Variants in NALCN observed in about 807,000 individuals in gnomAD.
NALCN encodes the protein sodium leak channel, non-selective.
A neutral mutation model predicts 225.3 loss-of-function variants in NALCN; 111 were observed. The ratio of observed to expected loss-of-function variants is 0.49; its 90% CI spans 0.42 to 0.58. The LOEUF is 0.58. Ranked by LOEUF, NALCN falls within the 20% of genes least tolerant of loss-of-function variation. NALCN has a pLI of 0.00. For synonymous variants in NALCN, 764 were observed against 769.0 expected (o/e 0.99, Z 0.11); for missense variants, 1,378 against 2,202.4 (o/e 0.63, Z 7.49).
At chr13:101,059,995 A>G in intron 41 of NALCN, 28 bp from the exon 42 acceptor site, 1 of 1,612,012 alleles carries the variant, frequency 6.2e-7, no homozygotes. Flanking sequence ...TTTGTTCAGT[A>G]AAATAAGCCC....
At chr13:101,110,520 G>T in intron 20 of NALCN, 99 bp downstream of exon 20, 2 of 1,271,802 alleles carry the variant, frequency 1.6e-6, no homozygotes, top group Non-Finnish European at 2.3e-6. Context: ...AAGGAGACAT[G>T]GGAATGCAGC....
chr13:101,381,692 A>G (rs1254484164), intron 3 of NALCN, among the ~76,000 whole-genome samples: 2 of 152,180 alleles, frequency 1.3e-5, no homozygotes, highest in Non-Finnish European at 2.9e-5. Context: ...GAGGGTGAAC[A>G]AAACAAACGC....
chr13:101,359,610 T>C (rs1388846473), intron 6 of NALCN, among the ~76,000 whole-genome samples: 1 of 152,146 alleles, frequency 6.6e-6, no homozygotes, highest in Non-Finnish European at 1.5e-5. Context: ...AATTATTAGG[T>C]ATCTTTATGC....
chr13:101,285,063 C>T (rs144485900), intron 9 of NALCN, among the ~76,000 whole-genome samples: 16 of 149,204 alleles, frequency 1.1e-4, no homozygotes, highest in African/African-American at 3.3e-4. Flanking sequence ...TTTCCTTTGT[C>T]ACCCTTATTT....
At chr13:101,200,111 C>T (rs1476143534) in intron 13 of NALCN, among the ~76,000 whole-genome samples, 2 of 152,084 alleles carry the variant, frequency 1.3e-5, no homozygotes, top group East Asian at 3.9e-4. Context: ...ATATTTCCAG[C>T]CCCACCTCCA....
chr13:101,110,931 G>T (rs1350452838), intron 19 of NALCN, among the ~76,000 whole-genome samples, 194 bp downstream of exon 19: 1 of 152,210 alleles, frequency 6.6e-6, no homozygotes, highest in Non-Finnish European at 1.5e-5. Context: ...AAAGGATTGT[G>T]AAGTAGAGAT....
At chr13:101,175,728 A>G (rs1331058521) in intron 15 of NALCN, among the ~76,000 whole-genome samples, 1 of 152,220 alleles carries the variant, frequency 6.6e-6, no homozygotes, top group Non-Finnish European at 1.5e-5. Flanking sequence ...CGATAGCTGT[A>G]ATCCTCCTGC....
intron 43 of NALCN, among the ~76,000 whole-genome samples, chr13:101,056,323 C>T (rs751815): frequency 0.35 from 49,019 of 141,244 alleles, 8,949 homozygotes; most frequent in East Asian, 0.56. Flanking sequence ...TGCAGCGGCA[C>T]AATCTTGGTT....
intron 18 of NALCN, chr13:101,116,313 CAT>C (rs72172114): frequency 0.052 from 8,007 of 152,622 alleles, 215 homozygotes; most frequent in African/African-American, 0.096. Context: ...ATATGACAGC[CAT>C]ATATATATAT....
At chr13:101,328,044 G>A (rs753368859) in intron 7 of NALCN, among the ~76,000 whole-genome samples, 1 of 152,202 alleles carries the variant, frequency 6.6e-6, no homozygotes, top group Non-Finnish European at 1.5e-5. Context: ...AAAACTGGCA[G>A]TAAGCAGGAT....
intron 7 of NALCN, among the ~76,000 whole-genome samples, chr13:101,310,985 C>T (rs1003499249): frequency 1.3e-5 from 2 of 151,928 alleles, no homozygotes; most frequent in African/African-American, 2.4e-5. Context: ...ATTCTTCCTA[C>T]CCATGAGCAT....
intron 6 of NALCN, among the ~76,000 whole-genome samples, chr13:101,352,045 A>G (rs1299918623): frequency 6.6e-6 from 1 of 152,174 alleles, no homozygotes; most frequent in Admixed American, 6.6e-5. Flanking sequence ...GTAGGGGGGC[A>G]CTTAATTGTA....
intron 30 of NALCN, among the ~76,000 whole-genome samples, chr13:101,084,567 T>G (rs551346225): frequency 5.5e-4 from 82 of 149,218 alleles, no homozygotes; most frequent in African/African-American, 1.9e-3. Context: ...GTTCTGAATT[T>G]TTTAATATTT....
chr13:101,159,532 T>C (rs777143636), intron 15 of NALCN, among the ~76,000 whole-genome samples: 4 of 152,106 alleles, frequency 2.6e-5, no homozygotes, highest in African/African-American at 7.2e-5. Context: ...CTACGTATAT[T>C]AGAAAACCAT....
intron 14 of NALCN, chr13:101,181,241 G>C (rs1023351389): frequency 1.9e-6 from 1 of 518,988 alleles, no homozygotes; most frequent in Admixed American, 1.9e-5. Context: ...AGTCTGGCCA[G>C]AGTCTGGCTT....
chr13:101,113,021 G>T (rs1450782086), intron 18 of NALCN, among the ~76,000 whole-genome samples: 1 of 152,124 alleles, frequency 6.6e-6, no homozygotes, highest in African/African-American at 2.4e-5. Flanking sequence ...TGTGGATGAA[G>T]ATAATTATGG....
intron 12 of NALCN, among the ~76,000 whole-genome samples, chr13:101,236,169 C>T (rs2041546375): frequency 6.6e-6 from 1 of 152,094 alleles, no homozygotes. Context: ...AAAATGCTCA[C>T]CATCACTGGC....
Position 101,078,197 on chromosome 13 carries a change from C to T in NALCN, c.3886-2256G>A, listed in dbSNP as rs570810572. On this transcript the variant is annotated intron_variant, in intron 34 of 43. Coordinates refer to ENST00000251127, the MANE Select transcript of NALCN (RefSeq NM_052867.4). ...ATGGAGAACCTCTGCTGGGGCAGTG[C>T]GGAAGGAAAATGTGTGGTTGGAGTC... Among the ~76,000 whole-genome samples, 201 of 152,162 alleles carry T rather than the reference C, an allele frequency of 1.3e-3. 2 individuals carry two copies. Among genetic ancestry groups the T allele is most frequent in the Non-Finnish European group, 1.7e-3 (118 of 68,004 alleles).
At chr13:101,401,037 C>T (rs529372639) in intron 1 of NALCN, among the ~76,000 whole-genome samples, 3 of 152,276 alleles carry the variant, frequency 2.0e-5, no homozygotes, top group African/African-American at 7.2e-5. Context: ...AAACCTCTTT[C>T]CTTTATAAAT....
Sources: allele counts gnomAD v4.1 joint callset (sites outside exome capture counted in the v4.1 genomes callset), GRCh38; gene constraint gnomAD v4.1.1; transcripts MANE v1.5; gene names NCBI Gene and HGNC (gene_info 2026-07-23, HGNC 2026-07-21).